GRIK5: variants seen among roughly 807,000 people sequenced by gnomAD.
GRIK5 encodes the protein glutamate receptor ionotropic, kainate 5.
GRIK5 carries 43 observed loss-of-function variants against 97.4 expected under a neutral mutation model. The observed-to-expected ratio is 0.44, with a 90% confidence interval of 0.35 to 0.57. The LOEUF (loss-of-function observed/expected upper bound fraction) is 0.57. Ranked by LOEUF, GRIK5 falls within the 20% of genes least tolerant of loss-of-function variation. The probability of loss-of-function intolerance (pLI) is 0.01; values close to 1 mark genes in which losing one functional copy is unlikely to be tolerated. For missense variants in GRIK5, 1,015 were observed against 1,382.0 expected (o/e 0.73, Z 4.21); for synonymous variants, 580 against 583.5 (o/e 0.99, Z 0.09).
chr19:42,033,808 A>AG (rs1329254000), intron 12 of GRIK5, among the ~76,000 whole-genome samples: 1 of 152,114 alleles, frequency 6.6e-6, no homozygotes, highest in Non-Finnish European at 1.5e-5. Context: ...CAAGACCAGC[A>AG]TGGAAACAAG....
rs879999860 is a variant in GRIK5, at chr19:42,003,718, G to C, written c.2264-35C>G. ...CACACGAGGGGCTGGACCAGCCATC[G>C]GGCCCTGCAGCCCTGACCGCCCCAA... On this transcript the variant is annotated intron_variant, in intron 17 of 19. Transcript: ENST00000593562. This position sits in a 1 kb window ranked among gnomAD's most constrained non-coding sequence, Gnocchi z 4.2. 6.3e-7 allele frequency: 1 copy of C among 1,575,980 alleles called. No individual in the cohort carries two copies.
At chr19:42,051,962 T>C (rs2076122573) in intron 11 of GRIK5, among the ~76,000 whole-genome samples, 2 of 152,138 alleles carry the variant, frequency 1.3e-5, no homozygotes, top group Admixed American at 1.3e-4. Flanking sequence ...CCTCCTTTCT[T>C]TGGTAGTCCC....
At chr19:42,013,390 TTTTTCTTTTTTTC>T (rs2075587262) in intron 15 of GRIK5, among the ~76,000 whole-genome samples, 1 of 150,152 alleles carries the variant, frequency 6.7e-6, no homozygotes, top group South Asian at 2.1e-4. Context: ...AACATCTTTT[TTTTTCTTTTTTTC>T]TTTTCTTTTT....
Position 41,998,689 on chromosome 19 carries a change from G to A in GRIK5, c.*182C>T. ...CACCCTCTCGCGAGTCCACTGGGGG[G>A]CGCAGGCGGGCTCCAGAGCCAGGCC... On this transcript the variant is annotated 3_prime_UTR_variant, in exon 20 of 20. Coordinates refer to ENST00000593562, the MANE Select transcript of GRIK5 (RefSeq NM_002088.5). The A allele has an allele frequency of 4.7e-6, 1 of 211,774 alleles. No individual in the cohort carries two copies. Among genetic ancestry groups the A allele is most frequent in the Non-Finnish European group, 9.0e-6 (1 of 110,686 alleles). 13.1% of individuals were successfully genotyped at this position (211,774 alleles called of 1,614,324 possible). A position where few individuals can be genotyped will look rare whatever the true frequency, so the allele number is the denominator to read the frequency against.
rs1465635136 is a variant in GRIK5, at chr19:42,006,526, T to TCC, written c.2037+117_2037+118dup. On this transcript the variant is annotated intron_variant, in intron 16 of 19. Transcript: ENST00000593562. This position sits in a 1 kb window ranked among gnomAD's most constrained non-coding sequence, Gnocchi z 5.3. ...CATGTGTGTTTTCTGCTCCCCAGCC[T>TCC]CCAGGCTGTCACTGACAATCAGTCC... 3.5e-5 allele frequency: 30 copies of TCC among 864,122 alleles called. No homozygotes were observed. Among genetic ancestry groups the TCC allele is most frequent in the Non-Finnish European group, 5.1e-5 (28 of 547,782 alleles). The allele number at this position is 864,122 out of a possible 1,614,324, so 53.5% of individuals were successfully genotyped here. A position where few individuals can be genotyped will look rare whatever the true frequency, so the allele number is the denominator to read the frequency against.
At chr19:42,039,400 G>A (rs541943548) in intron 12 of GRIK5, among the ~76,000 whole-genome samples, 4 of 152,330 alleles carry the variant, frequency 2.6e-5, no homozygotes, top group South Asian at 2.1e-4. Flanking sequence ...TTGAACCCAC[G>A]AGGCAGAGGT....
Position 42,019,982 on chromosome 19 carries a change from TG to T in GRIK5, c.1871+1318del, listed in dbSNP as rs199589442. On this transcript the variant is annotated intron_variant, in intron 15 of 19. Coordinates refer to ENST00000593562, the MANE Select transcript of GRIK5 (RefSeq NM_002088.5). ...AAACAGAGCTTTCATTGGGTTTTTT[TG>T]GGGGTTTTTTTTTTTTTTTTCATTT... Among the ~76,000 whole-genome samples, 754 of 151,232 alleles carry T rather than the reference TG, an allele frequency of 5.0e-3. 4 individuals are homozygous for T. The highest frequency in any genetic ancestry group is 0.015 in the East Asian group (77 of 5,166).
intron 8 of GRIK5, 54 bp from the exon 9 acceptor site, chr19:42,054,526 G>C: frequency 1.3e-6 from 2 of 1,588,442 alleles, no homozygotes; most frequent in Non-Finnish European, 1.7e-6. Context: ...CTAGGCAGAG[G>C]AGCCCCAAAG....
At chr19:42,024,504 C>T (rs1035962652) in intron 12 of GRIK5, among the ~76,000 whole-genome samples, 32 of 152,282 alleles carry the variant, frequency 2.1e-4, no homozygotes, top group Non-Finnish European at 4.4e-5. Flanking sequence ...TGAGCCACCG[C>T]GCCTGGCCTC....
chr19:42,031,975 G>A (rs2075845815), intron 12 of GRIK5, among the ~76,000 whole-genome samples: 1 of 152,164 alleles, frequency 6.6e-6, no homozygotes, highest in African/African-American at 2.4e-5. Flanking sequence ...AGCCAGGCAT[G>A]GTGGTGCACA....
chr19:42,015,583 A>T (rs2075614675), intron 15 of GRIK5, among the ~76,000 whole-genome samples: 1 of 152,196 alleles, frequency 6.6e-6, no homozygotes, highest in African/African-American at 2.4e-5. Flanking sequence ...CTCACCTGTG[A>T]AGTTAGTACA....
At chr19:42,004,603 C>A (rs1040646570) in intron 17 of GRIK5, among the ~76,000 whole-genome samples, 2 of 152,152 alleles carry the variant, frequency 1.3e-5, no homozygotes, top group African/African-American at 4.8e-5. Flanking sequence ...AGACTGTGCA[C>A]TGAGTCAGGG....
At position 42,042,834 on chromosome 19, in the gene GRIK5, C is replaced by T. The variant is rs1423800618; in HGVS notation, c.1270-79G>A. The T allele has an allele frequency of 2.0e-5, 21 of 1,035,190 alleles. No homozygotes were observed. Among genetic ancestry groups the T allele is most frequent in the Non-Finnish European group, 2.6e-5 (18 of 692,546 alleles). The allele number at this position is 1,035,190 out of a possible 1,614,324, so 64.1% of individuals were successfully genotyped here. On this transcript the variant is annotated intron_variant, in intron 11 of 19. Coordinates refer to ENST00000593562, the MANE Select transcript of GRIK5 (RefSeq NM_002088.5). The surrounding 1 kb of genome is among the most constrained non-coding windows in gnomAD (Gnocchi z 6.9). ...TGCGGATCCTGGAGCCCGGACCAGG[C>T]AGGTAGAGCAGGAATCTGCTTGCTG...
In GRIK5 at chr19:42,042,958, G is replaced by A; in HGVS notation, c.1270-203C>T. On this transcript the variant is annotated intron_variant, in intron 11 of 19. Coordinates refer to ENST00000593562, the MANE Select transcript of GRIK5 (RefSeq NM_002088.5). This position sits in a 1 kb window ranked among gnomAD's most constrained non-coding sequence, Gnocchi z 6.9. Reference sequence around the variant, plus strand: ...AGGGAAAAACACATGGGTACTGCCAGTTCCTAGCAGATTGCAGGGAGCCAT... The same window carrying A: ...AGGGAAAAACACATGGGTACTGCCAATTCCTAGCAGATTGCAGGGAGCCAT... The A allele has an allele frequency of 1.7e-6, 1 of 586,086 alleles. No homozygotes were observed. The highest frequency in any genetic ancestry group is 3.0e-6 in the Non-Finnish European group (1 of 330,172). The allele number at this position is 586,086 out of a possible 1,614,324, so 36.3% of individuals were successfully genotyped here. A position where few individuals can be genotyped will look rare whatever the true frequency, so the allele number is the denominator to read the frequency against.
rs782332580 is a variant in GRIK5, at chr19:42,005,883, G to A, written c.2103C>T (p.Phe701=). The change falls in exon 17 of 20, where the codon TTC becomes TTT. Residue 701 remains phenylalanine, a synonymous_variant. Coordinates refer to ENST00000593562, the MANE Select transcript of GRIK5 (RefSeq NM_002088.5). ...CAATGCCCTCTTCTGTGCTCTTGAC[G>A]AACACGCTGGGCTGCTTCGACTGCA... ...NYMQSKQPSV[F]VKSTEEGIAR... 20 of 1,610,572 alleles carry A rather than the reference G, an allele frequency of 1.2e-5. No homozygotes were observed. Among genetic ancestry groups the A allele is most frequent in the Admixed American group, 5.0e-5 (3 of 59,796 alleles).
intron 15 of GRIK5, among the ~76,000 whole-genome samples, chr19:42,017,276 G>A (rs1049109735): frequency 2.0e-5 from 3 of 152,186 alleles, no homozygotes; most frequent in Non-Finnish European, 2.9e-5. Context: ...ATTCTAAGCA[G>A]GCGCCGACTG....
chr19:42,001,901 G>A, intron 19 of GRIK5: 1 of 563,330 alleles, frequency 1.8e-6, no homozygotes, highest in Non-Finnish European at 3.1e-6. Flanking sequence ...TCAAGTAGTG[G>A]AGAAAGACCG....
At chr19:42,000,374 C>A (rs1555870672) in intron 19 of GRIK5, among the ~76,000 whole-genome samples, 2 of 152,106 alleles carry the variant, frequency 1.3e-5, no homozygotes, top group Non-Finnish European at 2.9e-5. Context: ...GGTCTGGATT[C>A]TGGATATATT....
At position 42,006,789 on chromosome 19, in the gene GRIK5, G is replaced by C; in HGVS notation, c.1893C>G (p.Ile631Met). The C allele has an allele frequency of 6.2e-7, 1 of 1,609,510 alleles. No individual in the cohort carries two copies. The highest frequency in any genetic ancestry group is 8.5e-7 in the Non-Finnish European group (1 of 1,177,386). The change falls in exon 16 of 20, where the codon ATC becomes ATG. Residue 631 changes from isoleucine to methionine, a missense_variant. By Grantham distance (10) the Ile-to-Met change is conservative. Around this residue, in one of 5 missense-constraint regions of GRIK5, gnomAD observed 477 missense variants for 701.1 expected, o/e 0.68. Coordinates refer to ENST00000593562, the MANE Select transcript of GRIK5 (RefSeq NM_002088.5). The surrounding 1 kb of genome is among the most constrained non-coding windows in gnomAD (Gnocchi z 5.3). Reference protein sequence around the residue: ...SGVWWAFTLIIISSYTANLAA... With the variant: ...SGVWWAFTLIMISSYTANLAA... ...CCAGGTTGGCCGTGTAGGAGGAGAT[G>C]ATGATCAAGGTGAAGGCCCACCTGA...
Sources: gnomAD v4.1 joint callset for allele counts (sites outside exome capture counted in the v4.1 genomes callset) on GRCh38, gnomAD v4.1.1 for gene constraint, gnomAD v4.1.1 regional missense constraint, Gnocchi (gnomAD v3.1) non-coding constraint, MANE v1.5 for transcripts, NCBI Gene and HGNC (gene_info 2026-07-23, HGNC 2026-07-21) for gene names.